STAT4: variants seen among roughly 807,000 people sequenced by gnomAD.
STAT4 encodes signal transducer and activator of transcription 4.
STAT4 carries 42 observed loss-of-function variants against 110.5 expected under a neutral mutation model. The ratio of observed to expected loss-of-function variants is 0.38; its 90% CI spans 0.30 to 0.49. The LOEUF (loss-of-function observed/expected upper bound fraction) is 0.49, where lower values mean the gene tolerates loss of function less well. Among genes scored for constraint, STAT4 ranks in the 20% least tolerant of loss-of-function variants. The pLI is 0.95. For missense variants in STAT4, 632 were observed against 887.9 expected, an observed-to-expected ratio of 0.71 and a Z score of 3.66; for synonymous variants, 284 against 302.2, an observed-to-expected ratio of 0.94 and a Z score of 0.63.
chr2:191,094,196 C>G (rs1216014252), intron 3 of STAT4, among the ~76,000 whole-genome samples: 3 of 152,128 alleles, frequency 2.0e-5, no homozygotes, highest in Admixed American at 2.0e-4. Flanking sequence ...CTTTCCCAAC[C>G]TAGGGAGGCA....
chr2:191,139,508 AAAAG>A (rs1317017260), intron 3 of STAT4, among the ~76,000 whole-genome samples: 3 of 152,204 alleles, frequency 2.0e-5, no homozygotes, highest in Admixed American at 6.5e-5. Context: ...ATAGCTGCAA[AAAAG>A]AAAGAAAGAA....
In STAT4 at chr2:191,072,644, A is replaced by G. The variant is rs1347583283; in HGVS notation, c.465+454T>C. On this transcript the variant is annotated intron_variant, in intron 5 of 23. Transcript: ENST00000392320. ...ACAACATGGCAGAAAGTCTTATTTA[A>G]GACATCTTCACTAGATCAATAAAAT... is the stretch of plus-strand genomic sequence containing the variant. Among the ~76,000 whole-genome samples the G allele has an allele frequency of 2.0e-5, 3 of 152,220 alleles. No individual in the cohort carries two copies. The East Asian group carries it at 5.8e-4, about 29-fold the overall frequency.
In STAT4 at chr2:191,086,144, C is replaced by T. The variant is rs976098595; in HGVS notation, c.274-9819G>A. ...TATTTTACCAAGTCTTTGGTTGCAA[C>T]GATATTTTCAGATATGAACAGATGG... On this transcript the variant is annotated intron_variant, in intron 3 of 23. Coordinates refer to ENST00000392320, the MANE Select transcript of STAT4 (RefSeq NM_003151.4). The surrounding 1 kb of genome is among the most constrained non-coding windows in gnomAD (Gnocchi z 5.5). Among the ~76,000 whole-genome samples, 17 of 152,196 alleles carry T rather than the reference C, an allele frequency of 1.1e-4. No individual in the cohort carries two copies. Among genetic ancestry groups the T allele is most frequent in the East Asian group, 5.8e-4 (3 of 5,186 alleles).
In STAT4 at chr2:191,050,590, G is replaced by GC. The variant is rs1696493326; in HGVS notation, c.1251+3899_1251+3900insG. Among the ~76,000 whole-genome samples, 1 of 143,808 alleles carries GC rather than the reference G, an allele frequency of 7.0e-6. No homozygotes were observed. The highest frequency in any genetic ancestry group is 2.5e-5 in the African/African-American group (1 of 39,360). The allele number at this position is 143,808 out of a possible 152,430, so 94.3% of individuals were successfully genotyped here. ...ATTGTCTAGTCCAATGAGTCCAAAT[G>GC]TTTTTTTTTTTTGACCTTGGTACAT... On this transcript the variant is annotated intron_variant, in intron 14 of 23. Transcript: ENST00000392320. This position sits in a 1 kb window ranked among gnomAD's most constrained non-coding sequence, Gnocchi z 4.3.
At chr2:191,122,227 G>A (rs1443488191) in intron 3 of STAT4, among the ~76,000 whole-genome samples, 1 of 151,010 alleles carries the variant, frequency 6.6e-6, no homozygotes, top group Non-Finnish European at 1.5e-5. Flanking sequence ...ATATCAAAAT[G>A]GCCATCAAGC....
rs968005627 is a variant in STAT4 at position 191,041,115 on chromosome 2, T to C, written c.1285A>G (p.Ile429Val). ...CHMVTEELHSITFETQICLYG... is the reference protein window; with the variant it reads ...CHMVTEELHSVTFETQICLYG... ...AGGCAGATCTGTGTTTCAAACGTTA[T>C]GGAATGAAGTTCTTCAGTCACCATG... Residue 429 changes from isoleucine (I) to valine (V), a missense_variant, in exon 15 of 24, where the codon ATA (isoleucine) becomes GTA (valine). Ile to Val is a conservative substitution (Grantham distance 29). Around this residue, in one of 4 missense-constraint regions of STAT4, gnomAD observed 488 missense variants for 632.8 expected, o/e 0.77. Coordinates refer to ENST00000392320, the MANE Select transcript of STAT4 (RefSeq NM_003151.4). The C allele has an allele frequency of 1.3e-6, 2 of 1,490,630 alleles. No individual in the cohort carries two copies. The highest frequency in any genetic ancestry group is 1.4e-5 in the African/African-American group (1 of 70,342). 92.3% of individuals were successfully genotyped at this position (1,490,630 alleles called of 1,614,324 possible). A position where few individuals can be genotyped will look rare whatever the true frequency, so the allele number is the denominator to read the frequency against.
At position 191,039,347 on chromosome 2, in the gene STAT4, A is replaced by G. The variant is rs370226598; in HGVS notation, c.1336-50T>C. On this transcript the variant is annotated intron_variant, in intron 15 of 23. Transcript: ENST00000392320. The surrounding 1 kb of genome is among the most constrained non-coding windows in gnomAD (Gnocchi z 4.7). ...GTTATTACAGGTAGTCCCACCTTAC[A>G]TTGATCTTATGCTTGACCCTCGCCT... The G allele has an allele frequency of 2.9e-4, 446 of 1,528,808 alleles. No homozygotes were observed. The highest frequency in any genetic ancestry group is 7.3e-4 in the Admixed American group (44 of 59,864). The allele number at this position is 1,528,808 out of a possible 1,614,324, so 94.7% of individuals were successfully genotyped here. A position where few individuals can be genotyped will look rare whatever the true frequency, so the allele number is the denominator to read the frequency against.
chr2:191,049,389 G>T (rs1696455422), intron 14 of STAT4, among the ~76,000 whole-genome samples: 1 of 152,070 alleles, frequency 6.6e-6, no homozygotes, highest in South Asian at 2.1e-4. Context: ...TGTTAGCCAG[G>T]ATGGTCTCAC....
intron 3 of STAT4, among the ~76,000 whole-genome samples, chr2:191,103,243 A>G (rs1390883413): frequency 6.6e-6 from 1 of 152,040 alleles, no homozygotes; most frequent in Admixed American, 6.6e-5. Context: ...GGTCCCAGGC[A>G]TGTGTCTTTA....
rs762360700 is a variant in STAT4 at position 191,032,704 on chromosome 2, T to C, written c.2044+254A>G. Among the ~76,000 whole-genome samples the C allele has an allele frequency of 6.6e-5, 10 of 152,160 alleles. No homozygotes were observed. Among genetic ancestry groups the C allele is most frequent in the Non-Finnish European group, 1.3e-4 (9 of 68,028 alleles). ...AAAACTGAAGCTCTCCAAGTGGCTA[T>C]GAGAGGCCCCCATGGCCATGGTGAA... On this transcript the variant is annotated intron_variant, in intron 21 of 23. Transcript: ENST00000392320. This position sits in a 1 kb window ranked among gnomAD's most constrained non-coding sequence, Gnocchi z 4.9.
chr2:191,143,429 G>A lies in STAT4; in HGVS notation c.273+3184C>T, dbSNP rs73982654. Among the ~76,000 whole-genome samples the A allele has an allele frequency of 0.01, 1,537 of 152,228 alleles. 37 individuals are homozygous for A. Among genetic ancestry groups the A allele is most frequent in the African/African-American group, 0.035 (1,461 of 41,524 alleles). On this transcript the variant is annotated intron_variant, in intron 3 of 23. Transcript: ENST00000392320. The surrounding 1 kb of genome is among the most constrained non-coding windows in gnomAD (Gnocchi z 5.6). Reference sequence around the variant, plus strand: ...CAGGATTCAAGTAACCCTTGCTCCTGGGTGTGAGTCTGCCTCCCCTTAAAT... The same window carrying A: ...CAGGATTCAAGTAACCCTTGCTCCTAGGTGTGAGTCTGCCTCCCCTTAAAT...
upstream of STAT4, chr2:191,151,110 C>T (rs1341167311): frequency 2.0e-6 from 2 of 985,280 alleles, no homozygotes; most frequent in Non-Finnish European, 2.4e-6. The surrounding 1 kb of genome is among the most constrained non-coding windows in gnomAD (Gnocchi z 4.7). Context: ...GTCTCTGGGA[C>T]TTTACTTGGG....
In STAT4 at chr2:191,046,691, T is replaced by A. The variant is rs1295893137; in HGVS notation, c.1252-5543A>T. 1.3e-5 allele frequency among the ~76,000 whole-genome samples: 2 copies of A among 152,194 alleles called. No individual in the cohort carries two copies. Among genetic ancestry groups the A allele is most frequent in the Non-Finnish European group, 2.9e-5 (2 of 68,024 alleles). ...TGATATTGTGATATAATAAGAAATCTATATTTGGTCCCTGCACCTGGTTAC... is the reference window on the plus strand; with the variant it reads ...TGATATTGTGATATAATAAGAAATCAATATTTGGTCCCTGCACCTGGTTAC... On this transcript the variant is annotated intron_variant, in intron 14 of 23. Coordinates refer to ENST00000392320, the MANE Select transcript of STAT4 (RefSeq NM_003151.4). This position sits in a 1 kb window ranked among gnomAD's most constrained non-coding sequence, Gnocchi z 4.6.
chr2:191,043,784 A>C lies in STAT4; in HGVS notation c.1252-2636T>G, dbSNP rs1696273749. The stretch of plus-strand genomic sequence containing the variant: ...GAATAAATGATCCACAGCAACATGA[A>C]TCAACGTAGGAATGAGTCTCAGAAA... On this transcript the variant is annotated intron_variant, in intron 14 of 23. Coordinates refer to ENST00000392320, the MANE Select transcript of STAT4 (RefSeq NM_003151.4). This position sits in a 1 kb window ranked among gnomAD's most constrained non-coding sequence, Gnocchi z 4.8. Among the ~76,000 whole-genome samples, 1 of 152,220 alleles carries C rather than the reference A, an allele frequency of 6.6e-6. No homozygotes were observed. Among genetic ancestry groups the C allele is most frequent in the Admixed American group, 6.5e-5 (1 of 15,282 alleles).
At position 191,110,909 on chromosome 2, in the gene STAT4, G is replaced by A. The variant is rs934049090; in HGVS notation, c.274-34584C>T. ...AGCGATTCCCCTGCCTCAGCCTCCTGAGTTGCCGGGATTACAGGTGGGTGA... is the reference window on the plus strand; with the variant it reads ...AGCGATTCCCCTGCCTCAGCCTCCTAAGTTGCCGGGATTACAGGTGGGTGA... On this transcript the variant is annotated intron_variant, in intron 3 of 23. Coordinates refer to ENST00000392320, the MANE Select transcript of STAT4 (RefSeq NM_003151.4). The surrounding 1 kb of genome is among the most constrained non-coding windows in gnomAD (Gnocchi z 4.5). Among the ~76,000 whole-genome samples, 1 of 152,040 alleles carries A rather than the reference G, an allele frequency of 6.6e-6. No homozygotes were observed. The highest frequency in any genetic ancestry group is 1.5e-5 in the Non-Finnish European group (1 of 68,008).
intron 3 of STAT4, among the ~76,000 whole-genome samples, chr2:191,100,922 G>A (rs1363805306): frequency 1.3e-5 from 2 of 152,026 alleles, no homozygotes; most frequent in Non-Finnish European, 2.9e-5. Context: ...AAAATGGACT[G>A]GAAAGTCCTC....
At chr2:191,036,403 T>A in intron 16 of STAT4, 104 bp from the exon 17 acceptor site, 1 of 1,214,084 alleles carries the variant, frequency 8.2e-7, no homozygotes, top group Non-Finnish European at 1.2e-6. Flanking sequence ...ACACACATAC[T>A]AGGAGTGTTG....
At chr2:191,125,321 T>C (rs925259015) in intron 3 of STAT4, among the ~76,000 whole-genome samples, 2 of 151,976 alleles carry the variant, frequency 1.3e-5, no homozygotes, top group African/African-American at 4.8e-5. Flanking sequence ...ACACAGATCT[T>C]GGCTACCTGC....
At chr2:191,034,122 T>A in intron 18 of STAT4, 117 bp from the exon 19 acceptor site, 1 of 779,732 alleles carries the variant, frequency 1.3e-6, no homozygotes, top group South Asian at 1.9e-5. Flanking sequence ...ACACCTTAAT[T>A]TCTTTAAAAA....
Sources: gnomAD v4.1 joint callset for allele counts (sites outside exome capture counted in the v4.1 genomes callset) on GRCh38, gnomAD v4.1.1 for gene constraint, gnomAD v4.1.1 regional missense constraint, Gnocchi (gnomAD v3.1) non-coding constraint, MANE v1.5 for transcripts, NCBI Gene and HGNC (gene_info 2026-07-23, HGNC 2026-07-21) for gene names.